The following ZNF638 variants were observed in gnomAD, a reference collection of about 807,000 sequenced individuals.
ZNF638 encodes CTCL tumor antigen se33-1.
Under a neutral mutation model 195.6 loss-of-function variants are expected in ZNF638, and 46 were observed. The ratio of observed to expected loss-of-function variants is 0.24; its 90% CI spans 0.19 to 0.30. The LOEUF is 0.30. Among genes scored for constraint, ZNF638 ranks in the 10% least tolerant of loss-of-function variants. ZNF638 has a pLI of 1.00. For synonymous variants in ZNF638, 845 were observed against 772.0 expected (o/e 1.09, Z -1.57); for missense variants, 2,440 against 2,325.3 (o/e 1.05, Z -1.01).
At position 71,363,319 on chromosome 2, in the gene ZNF638, CTA is replaced by C. The variant is rs1207124025; in HGVS notation, c.1418+130_1418+131del. On this transcript the variant is annotated intron_variant, in intron 4 of 27. Transcript: ENST00000264447. ...AAACAACAGGCAAATGCAAAAACCTCTATGAATCTTTAACTTATTCCAGCTTA... is the reference window on the plus strand; with the variant it reads ...AAACAACAGGCAAATGCAAAAACCTCTGAATCTTTAACTTATTCCAGCTTA... The C allele has an allele frequency of 1.1e-5, 7 of 664,640 alleles. No homozygotes were observed. In the East Asian group the frequency reaches 1.4e-4, roughly 13 times the overall value. The allele number at this position is 664,640 out of a possible 1,614,324, so 41.2% of individuals were successfully genotyped here.
chr2:71,362,101 A>G (rs536748530), intron 3 of ZNF638, among the ~76,000 whole-genome samples: 2 of 152,218 alleles, frequency 1.3e-5, no homozygotes, highest in East Asian at 1.9e-4. Context: ...CAGATTTTCT[A>G]GAAGTTGAGA....
At chr2:71,342,684 GT>G (rs2078782557) in intron 1 of ZNF638, among the ~76,000 whole-genome samples, 2 of 43,972 alleles carry the variant, frequency 4.5e-5, no homozygotes, top group Non-Finnish European at 1.6e-4. Flanking sequence ...TTGTGCGTGC[GT>G]GTGTGTGTGT....
chr2:71,393,352 A>G (rs1263802482), intron 10 of ZNF638: 15 of 711,412 alleles, frequency 2.1e-5, no homozygotes, highest in East Asian at 1.3e-4. Context: ...ATGAATTGCT[A>G]ACGTGGGGAA....
At chr2:71,408,707 T>C (rs1418262498) in intron 20 of ZNF638, 1 of 448,970 alleles carries the variant, frequency 2.2e-6, no homozygotes, top group South Asian at 1.7e-5. Flanking sequence ...CTATGGATAG[T>C]CCACCTTTGA....
rs185703288 is a variant in ZNF638 at position 71,422,917 on chromosome 2, A to G, written c.3403A>G (p.Ile1135Val). Residue 1135 changes from isoleucine (I) to valine (V), a missense_variant, in exon 22 of 28, where the codon ATT becomes GTT. Transcript: ENST00000264447. ...GCTTGAAGAAGAAAGTACTCCCAGC[A>G]TTCAAACAGAAACTTTGGTACAGCA... ...NELEEESTPS[I>V]QTETLVQQEE... 14 of 1,614,152 alleles carry G rather than the reference A, an allele frequency of 8.7e-6. No individual in the cohort carries two copies. The East Asian group carries it at 2.5e-4, about 28-fold the overall frequency.
At chr2:71,365,314 G>T (rs2542511) in intron 5 of ZNF638, 115 bp from the exon 6 acceptor site, 746,009 of 823,614 alleles carry the variant, frequency 0.91, 338,307 homozygotes, top group Admixed American at 0.93. Context: ...CTAGATTTTT[G>T]TATTGTCTGT....
chr2:71,391,421 T>C (rs2079774545), intron 10 of ZNF638, among the ~76,000 whole-genome samples: 1 of 152,240 alleles, frequency 6.6e-6, no homozygotes, highest in African/African-American at 2.4e-5. Flanking sequence ...AGTCCTACCA[T>C]GTGTCAGCAT....
chr2:71,393,392 A>C (rs1462136059), intron 10 of ZNF638: 1 of 718,390 alleles, frequency 1.4e-6, no homozygotes, highest in East Asian at 2.7e-5. Context: ...CACCCCCCTC[A>C]GGCCCTCTTT....
At chr2:71,334,332 C>G (rs1275339646) in intron 1 of ZNF638, among the ~76,000 whole-genome samples, 1 of 152,122 alleles carries the variant, frequency 6.6e-6, no homozygotes, top group Non-Finnish European at 1.5e-5. Flanking sequence ...GTATTGGTAC[C>G]CAGTAACATA....
At chr2:71,348,677 T>G in intron 1 of ZNF638, 76 bp from the exon 2 acceptor site, 1 of 1,366,076 alleles carries the variant, frequency 7.3e-7, no homozygotes, top group Non-Finnish European at 9.5e-7. Flanking sequence ...TTCAAAATGT[T>G]TTACACTGGC....
At chr2:71,427,688 T>A (rs1016028594) in intron 24 of ZNF638, among the ~76,000 whole-genome samples, 1 of 152,166 alleles carries the variant, frequency 6.6e-6, no homozygotes, top group Non-Finnish European at 1.5e-5. Context: ...AGAATTGGAA[T>A]GAAAATGATA....
chr2:71,426,538 A>G lies in ZNF638; in HGVS notation c.4669A>G (p.Lys1557Glu). The G allele has an allele frequency of 6.2e-7, 1 of 1,613,940 alleles. No homozygotes were observed. ...AGAAGAAGTGAATCCTTCTCAGGCC[A>G]AGCAGAATCCACTAAAGGGAAAAAG... is the stretch of plus-strand genomic sequence containing the variant. ...VIEEVNPSQA[K>E]QNPLKGKRKE... Residue 1557 changes from lysine (K) to glutamate (E), a missense_variant, in exon 24 of 28, where the codon AAG (lysine) becomes GAG (glutamate). Lys to Glu is a moderately conservative substitution (Grantham distance 56). This residue lies in a region of ZNF638 where 1,883 missense variants were observed against 1,739.1 expected (regional missense o/e 1.08). Coordinates refer to ENST00000264447, the MANE Select transcript of ZNF638 (RefSeq NM_014497.5).
rs779557019 is a variant in ZNF638 at position 71,364,088 on chromosome 2, C to T, written c.1553C>T (p.Pro518Leu). The T allele has an allele frequency of 2.0e-5, 33 of 1,613,928 alleles. No individual in the cohort carries two copies. Among genetic ancestry groups the T allele is most frequent in the African/African-American group, 1.6e-4 (12 of 74,868 alleles). The change falls in exon 5 of 28, where the codon CCG becomes CTG. Residue 518 changes from proline (P) to leucine (L), a missense_variant. Pro to Leu is a moderately conservative substitution (Grantham distance 98). Transcript: ENST00000264447. ...SRSPMHYMYR[P>L]RSRSPRICHR... is the part of the protein sequence containing the mutation. ...AGCCCAATGCATTACATGTATAGGC[C>T]GAGAAGTCGAAGTCCAAGAATTTGC...
intron 1 of ZNF638, among the ~76,000 whole-genome samples, chr2:71,344,151 A>G (rs1029624966): frequency 6.6e-6 from 1 of 152,174 alleles, no homozygotes; most frequent in African/African-American, 2.4e-5. Flanking sequence ...AAATAAAATA[A>G]CAGCTTGCCC....
At chr2:71,352,527 G>A (rs983437677) in intron 2 of ZNF638, among the ~76,000 whole-genome samples, 2 of 151,210 alleles carry the variant, frequency 1.3e-5, no homozygotes, top group Non-Finnish European at 3.0e-5. Context: ...GAGGGTTGGC[G>A]GCAACAACAT....
intron 10 of ZNF638, among the ~76,000 whole-genome samples, chr2:71,392,865 T>G (rs1396148688): frequency 6.6e-6 from 1 of 152,170 alleles, no homozygotes; most frequent in African/African-American, 2.4e-5. Context: ...CACACGTCCC[T>G]AAATTTGGAA....
Position 71,392,130 on chromosome 2 carries a change from C to T in ZNF638, c.2378-4011C>T, listed in dbSNP as rs144578391. The stretch of plus-strand genomic sequence containing the variant: ...ATAAGAATTTTCTTGAGTAGAAATT[C>T]GAAGTAGTCTTGCTCCATCTCTAGA... On this transcript the variant is annotated intron_variant, in intron 10 of 27. Transcript: ENST00000264447. Among the ~76,000 whole-genome samples the T allele has an allele frequency of 3.8e-3, 577 of 152,272 alleles. 2 individuals carry two copies. Among genetic ancestry groups the T allele is most frequent in the East Asian group, 0.016 (81 of 5,188 alleles).
At chr2:71,399,364 A>C (rs1311947704) in intron 12 of ZNF638, among the ~76,000 whole-genome samples, 195 bp from the exon 13 acceptor site, 1 of 152,178 alleles carries the variant, frequency 6.6e-6, no homozygotes, top group Non-Finnish European at 1.5e-5. Context: ...GGCATCACCA[A>C]AAAGTTGTAT....
At chr2:71,422,076 A>G (rs1438009352) in intron 21 of ZNF638, among the ~76,000 whole-genome samples, 1 of 152,136 alleles carries the variant, frequency 6.6e-6, no homozygotes, top group East Asian at 1.9e-4. Context: ...AGAATTATAC[A>G]TTATTCTCTT....
Sources: gnomAD v4.1 joint callset for allele counts (sites outside exome capture counted in the v4.1 genomes callset) on GRCh38, gnomAD v4.1.1 for gene constraint, gnomAD v4.1.1 regional missense constraint, MANE v1.5 for transcripts, NCBI Gene and HGNC (gene_info 2026-07-23, HGNC 2026-07-21) for gene names.